Variants in FBLN2 observed in about 807,000 individuals in gnomAD.
The protein encoded by FBLN2 is fibulin-2.
Under a neutral mutation model 123.7 loss-of-function variants are expected in FBLN2, and 81 were observed. That is an observed-to-expected ratio of 0.65 (90% CI 0.55 to 0.79). FBLN2 has a LOEUF of 0.79. FBLN2 is among the 30% of genes least tolerant of loss of function. FBLN2 has a pLI of 0.00. For synonymous variants in FBLN2, 699 were observed against 701.4 expected (o/e 1.00, Z 0.05); for missense variants, 1,603 against 1,681.3 (o/e 0.95, Z 0.81).
chr3:13,637,798 A>T lies in FBLN2; in HGVS notation c.3575A>T (p.Gln1192Leu). 1 of 1,613,880 alleles carries T rather than the reference A, an allele frequency of 6.2e-7. No individual in the cohort carries two copies. The change falls in exon 18 of 18, where the codon CAG (glutamine) becomes CTG (leucine). Residue 1192 changes from glutamine (Q) to leucine (L), a missense_variant. By Grantham distance (113) the Gln-to-Leu change is moderately radical. Transcript: ENST00000404922. ...LNAYTGVVYL[Q>L]RAVLEPRDFA... ...GCCTACACGGGTGTGGTCTACCTGC[A>T]GCGGGCCGTGCTGGAGCCCCGGGAC...
At position 13,629,292 on chromosome 3, in the gene FBLN2, G is replaced by A; in HGVS notation, c.2842G>A (p.Asp948Asn). 1 of 1,606,248 alleles carries A rather than the reference G, an allele frequency of 6.2e-7. No individual in the cohort carries two copies. The highest frequency in any genetic ancestry group is 1.1e-5 in the South Asian group (1 of 89,742). ...QRDAFGRGCI[D>N]VNECWASPGR... is the part of the protein sequence containing the mutation. ...GGATGCCTTTGGCCGGGGCTGCATC[G>A]GTAGGTAGGCTGGTGGCCAGGACCC... The change falls in exon 13 of 18, where the codon GAC becomes AAC. Residue 948 changes from aspartate (D) to asparagine (N), a missense_variant and splice_region_variant. Asp to Asn is a conservative substitution (Grantham distance 23). Transcript: ENST00000404922.
chr3:13,588,029 A>G (rs1247511458), intron 2 of FBLN2, among the ~76,000 whole-genome samples: 2 of 152,242 alleles, frequency 1.3e-5, no homozygotes, highest in African/African-American at 2.4e-5. Context: ...TGTCTTGGGC[A>G]TGTATCCTCA....
In FBLN2 at chr3:13,619,752, G is replaced by C; in HGVS notation, c.2076G>C (p.Val692=). Residue 692 remains valine (V), a synonymous_variant, in exon 8 of 18, where the codon GTG becomes GTC. Coordinates refer to ENST00000404922, the MANE Select transcript of FBLN2 (RefSeq NM_001004019.2). ...TCKDNGPCKQ[V]CSTVGGSAIC... is the part of the protein sequence containing the mutation. ...CAGACAATGGACCCTGCAAGCAGGT[G>C]TGCAGCACTGTTGGGGGCTCAGCCA... 6.2e-7 allele frequency: 1 copy of C among 1,613,518 alleles called. No homozygotes were observed. Among genetic ancestry groups the C allele is most frequent in the Non-Finnish European group, 8.5e-7 (1 of 1,179,612 alleles).
intron 2 of FBLN2, among the ~76,000 whole-genome samples, chr3:13,594,323 C>T (rs569907511): frequency 6.6e-6 from 1 of 152,178 alleles, no homozygotes; most frequent in South Asian, 2.1e-4. Context: ...GCAGAGGTCC[C>T]TGCTATGATG....
chr3:13,574,470 G>GGGAAT (rs1376148235), intron 2 of FBLN2, among the ~76,000 whole-genome samples: 19 of 152,222 alleles, frequency 1.2e-4, no homozygotes, highest in African/African-American at 4.6e-4. Flanking sequence ...TCCCAGCCCA[G>GGGAAT]GGAGCCGGGC....
At chr3:13,573,797 G>A (rs954310634) in intron 2 of FBLN2, among the ~76,000 whole-genome samples, 11 of 152,064 alleles carry the variant, frequency 7.2e-5, no homozygotes, top group Non-Finnish European at 1.5e-4. Context: ...CAGCTACTTG[G>A]GCGGCTGAGG....
At chr3:13,626,715 A>G in intron 10 of FBLN2, 136 bp downstream of exon 10, 3 of 894,670 alleles carry the variant, frequency 3.4e-6, no homozygotes, top group Non-Finnish European at 4.8e-6. Context: ...CCTCCTTTCT[A>G]GCAAGCTCCC....
intron 5 of FBLN2, among the ~76,000 whole-genome samples, chr3:13,614,510 T>G (rs1705513840): frequency 6.6e-6 from 1 of 151,754 alleles, no homozygotes; most frequent in South Asian, 2.1e-4. Flanking sequence ...CATCCTCCCA[T>G]CCTCTTGTCC....
intron 2 of FBLN2, among the ~76,000 whole-genome samples, chr3:13,575,100 A>G (rs1323705168): frequency 6.6e-6 from 1 of 152,172 alleles, no homozygotes; most frequent in Non-Finnish European, 1.5e-5. Flanking sequence ...TCATCGTCGC[A>G]TTTCTAATTG....
At chr3:13,630,130 C>A (rs1470010653) in intron 14 of FBLN2, among the ~76,000 whole-genome samples, 185 bp downstream of exon 14, 1 of 152,230 alleles carries the variant, frequency 6.6e-6, no homozygotes, top group Non-Finnish European at 1.5e-5. Flanking sequence ...CTCTCACCTT[C>A]CTTCTGTTGT....
chr3:13,603,224 CT>C (rs369193288), intron 2 of FBLN2, among the ~76,000 whole-genome samples: 38 of 128,108 alleles, frequency 3.0e-4, no homozygotes, highest in African/African-American at 1.1e-3. Flanking sequence ...TTTTTTCTTT[CT>C]TTTTTTTTAA....
At chr3:13,557,634 C>A (rs1703497133) in intron 1 of FBLN2, among the ~76,000 whole-genome samples, 1 of 152,210 alleles carries the variant, frequency 6.6e-6, no homozygotes. Flanking sequence ...CAGCCTCCTC[C>A]CAGGAGCATC....
intron 2 of FBLN2, among the ~76,000 whole-genome samples, chr3:13,597,235 A>G (rs532888939): frequency 6.6e-6 from 1 of 152,294 alleles, no homozygotes; most frequent in East Asian, 1.9e-4. Context: ...TCTGGCCTGG[A>G]TCTATTTTTA....
rs202183493 is a variant in FBLN2 at position 13,609,570 on chromosome 3, C to T, written c.1476C>T (p.Gly492=). The change falls in exon 4 of 18, where the codon GGC becomes GGT. Residue 492 remains glycine (G), a synonymous_variant. Transcript: ENST00000404922. Reference sequence around the variant, plus strand: ...TGCAGGAGAAGAGCTGCATGGCCGGCGTCCTGGGAGCCAAGGAGGGTGAGA... The same window carrying T: ...TGCAGGAGAAGAGCTGCATGGCCGGTGTCCTGGGAGCCAAGGAGGGTGAGA... ...SYLQEKSCMA[G]VLGAKEGETC... is the part of the protein sequence containing the mutation. 212 of 1,556,190 alleles carry T rather than the reference C, an allele frequency of 1.4e-4. No homozygotes were observed. Among genetic ancestry groups the T allele is most frequent in the Middle Eastern group, 9.1e-4 (5 of 5,504 alleles).
At chr3:13,566,363 T>C (rs929504773) in intron 1 of FBLN2, 5 of 152,380 alleles carry the variant, frequency 3.3e-5, no homozygotes, top group African/African-American at 1.2e-4. Context: ...TCTCTGGCGA[T>C]AGATAGGGAG....
At chr3:13,584,983 C>T (rs1186400209) in intron 2 of FBLN2, among the ~76,000 whole-genome samples, 1 of 152,244 alleles carries the variant, frequency 6.6e-6, no homozygotes, top group African/African-American at 2.4e-5. Flanking sequence ...GCTTCTGTCC[C>T]TTCCCCACCA....
chr3:13,614,180 C>T lies in FBLN2; in HGVS notation c.1729+16C>T. 6.2e-7 allele frequency: 1 copy of T among 1,606,376 alleles called. No homozygotes were observed. Among genetic ancestry groups the T allele is most frequent in the Non-Finnish European group, 8.5e-7 (1 of 1,178,360 alleles). ...CCACGGAGAGGTGAGTGCTGCTCTT[C>T]CCTGGCTGCGGCATATAGGGCGAAG... On this transcript the variant is annotated intron_variant, in intron 5 of 17. Coordinates refer to ENST00000404922, the MANE Select transcript of FBLN2 (RefSeq NM_001004019.2).
At position 13,613,969 on chromosome 3, in the gene FBLN2, T is replaced by C. The variant is rs1559419441; in HGVS notation, c.1549-15T>C. The C allele has an allele frequency of 1.2e-6, 2 of 1,608,148 alleles. No individual in the cohort carries two copies. The highest frequency in any genetic ancestry group is 3.3e-5 in the Admixed American group (2 of 59,884). On this transcript the variant is annotated splice_polypyrimidine_tract_variant and intron_variant, in intron 4 of 17. Coordinates refer to ENST00000404922, the MANE Select transcript of FBLN2 (RefSeq NM_001004019.2). Reference sequence around the variant, plus strand: ...GGGCCAGAGATTGGGCAGTGATAACTGTCTCTCCCTGCAGCAATGCTGTGA... The same window carrying C: ...GGGCCAGAGATTGGGCAGTGATAACCGTCTCTCCCTGCAGCAATGCTGTGA...
chr3:13,630,735 A>C lies in FBLN2; in HGVS notation c.3005A>C (p.Glu1002Ala). Residue 1002 changes from glutamate (E) to alanine (A), a missense_variant, in exon 15 of 18, where the codon GAG (glutamate) becomes GCG (alanine). Glu to Ala is a moderately radical substitution (Grantham distance 107). Coordinates refer to ENST00000404922, the MANE Select transcript of FBLN2 (RefSeq NM_001004019.2). Reference protein sequence around the residue: ...NECEAQRCSQECANIYGSYQC... With the variant: ...NECEAQRCSQACANIYGSYQC... The stretch of plus-strand genomic sequence containing the variant: ...TGTGAGGCCCAGCGCTGCAGCCAGG[A>C]GTGTGCCAACATCTATGGCTCCTAC... The C allele has an allele frequency of 6.2e-7, 1 of 1,609,830 alleles. No homozygotes were observed. The highest frequency in any genetic ancestry group is 8.5e-7 in the Non-Finnish European group (1 of 1,178,376).
Sources: allele counts gnomAD v4.1 joint callset (sites outside exome capture counted in the v4.1 genomes callset), GRCh38; gene constraint gnomAD v4.1.1; transcripts MANE v1.5; gene names NCBI Gene and HGNC (gene_info 2026-07-23, HGNC 2026-07-21).